The following GOLPH3L variants were observed in gnomAD, a reference collection of about 807,000 sequenced individuals.
GOLPH3L encodes the protein golgi phosphoprotein 3 like, also known as Golgi phosphoprotein 3-like.
In GOLPH3L, 22 loss-of-function variants were observed where a neutral mutation model predicts 30.3. That is an observed-to-expected ratio of 0.73 (90% CI 0.52 to 1.04). The LOEUF (loss-of-function observed/expected upper bound fraction) is 1.04, where lower values mean the gene tolerates loss of function less well. Ranked by LOEUF, GOLPH3L falls within the 50% of genes least tolerant of loss-of-function variation. The probability of loss-of-function intolerance (pLI) is 0.00; values close to 1 mark genes in which losing one functional copy is unlikely to be tolerated. For synonymous variants in GOLPH3L, 120 were observed against 128.2 expected (o/e 0.94, Z 0.43); for missense variants, 303 against 345.8 (o/e 0.88, Z 0.98).
chr1:150,677,220 G>A (rs587683094), intron 2 of GOLPH3L, among the ~76,000 whole-genome samples: 1 of 152,096 alleles, frequency 6.6e-6, no homozygotes, highest in Non-Finnish European at 1.5e-5. Context: ...ACAGGCATGA[G>A]CCACCGTGCC....
At chr1:150,681,377 TGA>T (rs1216847173) in intron 2 of GOLPH3L, among the ~76,000 whole-genome samples, 1 of 152,124 alleles carries the variant, frequency 6.6e-6, no homozygotes, top group East Asian at 1.9e-4. Context: ...CTAAGCACAC[TGA>T]GAGGTATGAT....
chr1:150,684,243 G>A (rs1344189654), intron 2 of GOLPH3L, among the ~76,000 whole-genome samples: 1 of 152,192 alleles, frequency 6.6e-6, no homozygotes, highest in Non-Finnish European at 1.5e-5. Flanking sequence ...AAGCCACCAA[G>A]TCTGTGGTAT....
chr1:150,683,952 C>T (rs1227912835), intron 2 of GOLPH3L, among the ~76,000 whole-genome samples: 2 of 151,918 alleles, frequency 1.3e-5, no homozygotes, highest in African/African-American at 4.8e-5. Flanking sequence ...AAGTTATAAC[C>T]CCCATTACCT....
intron 2 of GOLPH3L, 107 bp downstream of exon 2, chr1:150,694,549 C>G (rs1038557940): frequency 1.5e-6 from 1 of 686,892 alleles, no homozygotes; most frequent in African/African-American, 1.8e-5. Flanking sequence ...GGTTAGAGCA[C>G]AATTCTAAGA....
chr1:150,674,499 G>A (rs1571047270), intron 2 of GOLPH3L, among the ~76,000 whole-genome samples: 1 of 152,038 alleles, frequency 6.6e-6, no homozygotes, highest in South Asian at 2.1e-4. Context: ...CTGACCTCAG[G>A]TGATCTACCT....
chr1:150,675,262 AT>A (rs774195792), intron 2 of GOLPH3L, among the ~76,000 whole-genome samples: 142 of 145,860 alleles, frequency 9.7e-4, no homozygotes, highest in African/African-American at 1.3e-3. Context: ...GTAAGTGTAG[AT>A]TTTTTTTTTT....
rs148244496 is a variant in GOLPH3L, at chr1:150,687,389, C to T, written c.183+7267G>A. Among the ~76,000 whole-genome samples, 937 of 151,946 alleles carry T rather than the reference C, an allele frequency of 6.2e-3. 8 individuals carry two copies. The highest frequency in any genetic ancestry group is 0.01 in the Middle Eastern group (3 of 292). On this transcript the variant is annotated intron_variant, in intron 2 of 4. Coordinates refer to ENST00000271732, the MANE Select transcript of GOLPH3L (RefSeq NM_018178.6). Reference sequence around the variant, plus strand: ...GGTCAGGAGTTCGACACCAGCCTGGCTAACGTGGTAAAACCCCGTTTCTAC... The same window carrying T: ...GGTCAGGAGTTCGACACCAGCCTGGTTAACGTGGTAAAACCCCGTTTCTAC...
chr1:150,649,974 G>A (rs1650068905), intron 4 of GOLPH3L, among the ~76,000 whole-genome samples: 1 of 151,906 alleles, frequency 6.6e-6, no homozygotes. Context: ...GTGACAGAGT[G>A]AGACTTCATC....
chr1:150,695,200 G>A (rs926875817), intron 1 of GOLPH3L, among the ~76,000 whole-genome samples: 8 of 152,198 alleles, frequency 5.3e-5, no homozygotes, highest in African/African-American at 4.8e-5. Context: ...GCAGTGGTGC[G>A]ATGTTGGCTC....
chr1:150,667,291 A>G (rs1360615151), intron 2 of GOLPH3L, among the ~76,000 whole-genome samples: 1 of 152,224 alleles, frequency 6.6e-6, no homozygotes, highest in East Asian at 1.9e-4. Flanking sequence ...AATTAAGCTT[A>G]TTCAAGACTT....
At chr1:150,679,986 G>T (rs1466447613) in intron 2 of GOLPH3L, among the ~76,000 whole-genome samples, 3 of 152,062 alleles carry the variant, frequency 2.0e-5, no homozygotes, top group Non-Finnish European at 4.4e-5. Context: ...AATGATTATT[G>T]CTAAATTTTT....
Position 150,647,958 on chromosome 1 carries a change from A to G in GOLPH3L, c.*363T>C, listed in dbSNP as rs945559902. ...ACAAACTCAGAAAAATATAATAGAT[A>G]GTTCACTTTTTATCTCATTCACATT... On this transcript the variant is annotated 3_prime_UTR_variant, in exon 5 of 5. Transcript: ENST00000271732. 4 of 189,704 alleles carry G rather than the reference A, an allele frequency of 2.1e-5. No individual in the cohort carries two copies. The highest frequency in any genetic ancestry group is 4.3e-5 in the Non-Finnish European group (4 of 92,934). The allele number at this position is 189,704 out of a possible 1,614,324, so 11.8% of individuals were successfully genotyped here.
rs769694208 is a variant in GOLPH3L, at chr1:150,663,775, GA to G, written c.184-13del. 5.6e-6 allele frequency: 9 copies of G among 1,610,384 alleles called. No homozygotes were observed. The highest frequency in any genetic ancestry group is 6.8e-6 in the Non-Finnish European group (8 of 1,177,452). On this transcript the variant is annotated splice_polypyrimidine_tract_variant and intron_variant, in intron 2 of 4. Transcript: ENST00000271732. ...AAAGATGTGTACCCCTAGGAAAGGAGAAAAGAGAAGAGAAAGAATGTTTTGA... is the reference window on the plus strand; with the variant it reads ...AAAGATGTGTACCCCTAGGAAAGGAGAAAGAGAAGAGAAAGAATGTTTTGA...
chr1:150,683,807 C>T (rs894828606), intron 2 of GOLPH3L, among the ~76,000 whole-genome samples: 30 of 145,214 alleles, frequency 2.1e-4, no homozygotes, highest in Non-Finnish European at 1.1e-4. Flanking sequence ...TTTAATGATA[C>T]TTCCTGAGAG....
At chr1:150,691,815 T>C (rs996284024) in intron 2 of GOLPH3L, among the ~76,000 whole-genome samples, 3 of 152,108 alleles carry the variant, frequency 2.0e-5, no homozygotes, top group African/African-American at 7.2e-5. Flanking sequence ...TTATTGAACA[T>C]AATGTGAGAA....
In GOLPH3L at chr1:150,675,046, T is replaced by TA. The variant is rs368688418; in HGVS notation, c.184-11284dup. Among the ~76,000 whole-genome samples, 29 of 148,768 alleles carry TA rather than the reference T, an allele frequency of 1.9e-4. No individual in the cohort carries two copies. The East Asian group carries it at 3.0e-3, about 15-fold the overall frequency. ...GTGTGTACCACCACGTCTGGCTAAT[T>TA]AAAAAAAAAAATTTGTAGCAATAGG... On this transcript the variant is annotated intron_variant, in intron 2 of 4. Transcript: ENST00000271732.
At chr1:150,679,782 A>G (rs981534731) in intron 2 of GOLPH3L, among the ~76,000 whole-genome samples, 2 of 152,184 alleles carry the variant, frequency 1.3e-5, no homozygotes, top group Non-Finnish European at 1.5e-5. Flanking sequence ...CCTGGACGAC[A>G]GAGTGGAGAC....
intron 2 of GOLPH3L, among the ~76,000 whole-genome samples, chr1:150,673,721 G>C (rs184835451): frequency 6.6e-6 from 1 of 151,986 alleles, no homozygotes; most frequent in Admixed American, 6.6e-5. Flanking sequence ...CTGAGCTCGG[G>C]AGTTCAGGAC....
chr1:150,693,464 C>T (rs1651256494), intron 2 of GOLPH3L, among the ~76,000 whole-genome samples: 1 of 152,024 alleles, frequency 6.6e-6, no homozygotes, highest in African/African-American at 2.4e-5. Context: ...ATACCTCTTT[C>T]TTTTCTTGCA....
Sources: gnomAD v4.1 joint callset for allele counts (sites outside exome capture counted in the v4.1 genomes callset) on GRCh38, gnomAD v4.1.1 for gene constraint, MANE v1.5 for transcripts, NCBI Gene and HGNC (gene_info 2026-07-23, HGNC 2026-07-21) for gene names.